Variants in CCL25 observed in about 807,000 individuals in gnomAD.
CCL25 encodes the protein C-C motif chemokine 25.
Under a neutral mutation model 19.9 loss-of-function variants are expected in CCL25, and 14 were observed. That is an observed-to-expected ratio of 0.70 (90% confidence interval 0.47 to 1.10). The LOEUF is 1.10. CCL25 is among the 50% of genes least tolerant of loss of function. The pLI, the probability that CCL25 is intolerant of heterozygous loss-of-function variation, is 0.00. For synonymous variants in CCL25, 68 were observed against 73.2 expected, an observed-to-expected ratio of 0.93 and a Z score of 0.36; for missense variants, 151 against 181.2, an observed-to-expected ratio of 0.83 and a Z score of 0.96.
intron 2 of CCL25, among the ~76,000 whole-genome samples, chr19:8,053,547 ATTTT>A (rs57912076): frequency 8.3e-6 from 1 of 120,670 alleles, no homozygotes. Flanking sequence ...CTCCTAAACC[ATTTT>A]TTTTTTTTTT....
chr19:8,060,123 C>T (rs1275409753), intron 5 of CCL25, among the ~76,000 whole-genome samples: 1 of 150,424 alleles, frequency 6.6e-6, no homozygotes, highest in East Asian at 2.0e-4. Context: ...AAATTGAGCC[C>T]AGGAGTTTGA....
chr19:8,053,651 C>T (rs772976209), intron 2 of CCL25, among the ~76,000 whole-genome samples: 1 of 150,974 alleles, frequency 6.6e-6, no homozygotes, highest in Non-Finnish European at 1.5e-5. Flanking sequence ...TGGGCTCAAG[C>T]GATCCTTCTG....
Position 8,053,011 on chromosome 19 carries a change from A to G in CCL25, c.-39A>G. 1.3e-6 allele frequency: 2 copies of G among 1,490,292 alleles called. 1 individual carries two copies. The highest frequency in any genetic ancestry group is 1.8e-6 in the Non-Finnish European group (2 of 1,097,500). 92.3% of individuals were successfully genotyped at this position (1,490,292 alleles called of 1,614,324 possible). A position where few individuals can be genotyped will look rare whatever the true frequency, so the allele number is the denominator to read the frequency against. On this transcript the variant is annotated 5_prime_UTR_variant, in exon 2 of 6. Transcript: ENST00000315626. ...CTCCACGACCCCAGGTGGCCCCGTT[A>G]TTCGTCCAGGTGCCCAGGGAGGAGG...
chr19:8,059,268 G>A (rs751046928), intron 5 of CCL25, among the ~76,000 whole-genome samples: 20 of 146,228 alleles, frequency 1.4e-4, no homozygotes, highest in Non-Finnish European at 2.5e-4. Context: ...GTGCCATCTC[G>A]GCTCACTGCA....
At chr19:8,056,527 G>C (rs1021460260) in intron 4 of CCL25, 28 bp downstream of exon 4, 28 of 1,613,074 alleles carry the variant, frequency 1.7e-5, no homozygotes, top group Non-Finnish European at 2.3e-5. Flanking sequence ...TGGGCATCTA[G>C]GGGGCCTGCC....
At chr19:8,054,696 C>T (rs1005470626) in intron 2 of CCL25, among the ~76,000 whole-genome samples, 1 of 151,566 alleles carries the variant, frequency 6.6e-6, no homozygotes, top group Admixed American at 6.6e-5. Context: ...AGTGCCTGTG[C>T]TTCCCCCTTT....
chr19:8,055,271 A>G (rs2081261551), intron 2 of CCL25, among the ~76,000 whole-genome samples: 1 of 99,030 alleles, frequency 1.0e-5, no homozygotes, highest in Non-Finnish European at 2.1e-5. Context: ...CCTGGGTGAC[A>G]GAGTGAGACT....
intron 5 of CCL25, among the ~76,000 whole-genome samples, chr19:8,061,586 C>T (rs141213260): frequency 1.3e-5 from 2 of 152,138 alleles, no homozygotes; most frequent in African/African-American, 4.8e-5. Context: ...GTGACCAGCC[C>T]CCACCCAGAA....
At chr19:8,060,978 C>A (rs1485772096) in intron 5 of CCL25, among the ~76,000 whole-genome samples, 3 of 131,396 alleles carry the variant, frequency 2.3e-5, no homozygotes, top group African/African-American at 8.4e-5. Context: ...CCATGCCCGG[C>A]CTAATTTTTT....
At chr19:8,058,463 A>C (rs571266553) in intron 5 of CCL25, among the ~76,000 whole-genome samples, 2 of 92,806 alleles carry the variant, frequency 2.2e-5, no homozygotes, top group Non-Finnish European at 4.1e-5. Flanking sequence ...TAATATATAT[A>C]AGTAAATATA....
At chr19:8,055,630 G>T (rs145365602) in intron 2 of CCL25, among the ~76,000 whole-genome samples, 1 of 151,246 alleles carries the variant, frequency 6.6e-6, no homozygotes. Context: ...CACCGCGCCC[G>T]GCCTAATTTT....
chr19:8,057,157 G>C (rs1396088076), intron 4 of CCL25, among the ~76,000 whole-genome samples: 1 of 151,646 alleles, frequency 6.6e-6, no homozygotes, highest in East Asian at 1.9e-4. Context: ...AGTAGCAGGA[G>C]CACAGGCCCA....
chr19:8,053,808 C>T (rs1276060317), intron 2 of CCL25, among the ~76,000 whole-genome samples: 2 of 152,042 alleles, frequency 1.3e-5, no homozygotes, highest in East Asian at 3.9e-4. Flanking sequence ...CTCAGCCTCC[C>T]AAAGTGCTAG....
chr19:8,059,095 TG>T (rs2081298113), intron 5 of CCL25, among the ~76,000 whole-genome samples: 1 of 106,156 alleles, frequency 9.4e-6, no homozygotes, highest in Non-Finnish European at 1.9e-5. Flanking sequence ...ATATATATAA[TG>T]TATATATTTA....
chr19:8,052,580 C>G (rs1478371431), upstream of CCL25, among the ~76,000 whole-genome samples: 1 of 150,860 alleles, frequency 6.6e-6, no homozygotes, highest in Non-Finnish European at 1.5e-5. Context: ...GCTGGGAGGC[C>G]TGGGATGGGG....
At chr19:8,062,085 C>T (rs2081321950) in intron 5 of CCL25, 133 bp from the exon 6 acceptor site, 3 of 533,884 alleles carry the variant, frequency 5.6e-6, no homozygotes, top group East Asian at 4.1e-5. Flanking sequence ...ATAAAAGATT[C>T]TAGCACTCCT....
chr19:8,052,697 G>C (rs2081240428), upstream of CCL25: 1 of 237,490 alleles, frequency 4.2e-6, no homozygotes, highest in Non-Finnish European at 8.0e-6. Flanking sequence ...AGGGAGGAGG[G>C]CGGGCAGGGG....
At chr19:8,058,123 T>C (rs1332482945) in intron 5 of CCL25, among the ~76,000 whole-genome samples, 1 of 151,576 alleles carries the variant, frequency 6.6e-6, no homozygotes, top group Admixed American at 6.6e-5. Context: ...CCACAGCAAG[T>C]GAGAAAGTAA....
At chr19:8,060,121 C>T (rs994167733) in intron 5 of CCL25, among the ~76,000 whole-genome samples, 1 of 151,078 alleles carries the variant, frequency 6.6e-6, no homozygotes, top group Non-Finnish European at 1.5e-5. Context: ...AAAAATTGAG[C>T]CCAGGAGTTT....
Sources: gnomAD v4.1 joint callset for allele counts (sites outside exome capture counted in the v4.1 genomes callset) on GRCh38, gnomAD v4.1.1 for gene constraint, MANE v1.5 for transcripts, NCBI Gene and HGNC (gene_info 2026-07-23, HGNC 2026-07-21) for gene names.